The following FAH variants were observed in gnomAD, a reference collection of about 807,000 sequenced individuals.
FAH encodes fumarylacetoacetate hydrolase.
A neutral mutation model predicts 55.8 loss-of-function variants in FAH; 47 were observed. The observed-to-expected ratio is 0.84, with a 90% CI of 0.67 to 1.07. The LOEUF (loss-of-function observed/expected upper bound fraction) is 1.07, where lower values mean the gene tolerates loss of function less well. FAH is among the 50% of genes least tolerant of loss of function. FAH has a pLI of 0.00. For missense variants in FAH, 495 were observed against 545.9 expected, an observed-to-expected ratio of 0.91 and a Z score of 0.93; for synonymous variants, 199 against 207.7, an observed-to-expected ratio of 0.96 and a Z score of 0.36.
At chr15:80,184,490 CTT>C (rs528469727) in intron 13 of FAH, among the ~76,000 whole-genome samples, 46 of 152,160 alleles carry the variant, frequency 3.0e-4, no homozygotes, top group Middle Eastern at 3.4e-3. Flanking sequence ...GGGAGAGACT[CTT>C]TAAAAATGCT....
intron 5 of FAH, among the ~76,000 whole-genome samples, chr15:80,164,419 C>G (rs1164772475): frequency 6.6e-6 from 1 of 152,190 alleles, no homozygotes; most frequent in Non-Finnish European, 1.5e-5. Flanking sequence ...ATCCCTATCT[C>G]AAGATCCCTA....
rs775152764 is a variant in FAH at position 80,162,279 on chromosome 15, A to T, written c.398A>T (p.His133Leu). ...ACAGACTTCTATTCCTCTCGGCAGCATGCTACCAACGTCGGAATCATGTTC... is the reference window on the plus strand; with the variant it reads ...ACAGACTTCTATTCCTCTCGGCAGCTTGCTACCAACGTCGGAATCATGTTC... ...DYTDFYSSRQ[H>L]ATNVGIMFRD... is the part of the protein sequence containing the mutation. The change falls in exon 5 of 14, where the codon CAT becomes CTT. Residue 133 changes from histidine (H) to leucine (L), a missense_variant. Physicochemically the swap from His to Leu is moderately conservative, Grantham distance 99 (BLOSUM62 -3). Coordinates refer to ENST00000561421, the MANE Select transcript of FAH (RefSeq NM_000137.4). The T allele has an allele frequency of 4.3e-6, 7 of 1,614,130 alleles. No individual in the cohort carries two copies. In the African/African-American group the frequency reaches 9.3e-5, roughly 22 times the overall value.
At chr15:80,155,777 T>G (rs2041093385) in intron 1 of FAH, among the ~76,000 whole-genome samples, 1 of 152,132 alleles carries the variant, frequency 6.6e-6, no homozygotes. Flanking sequence ...GCAAGTCATG[T>G]GATCATGGGA....
At chr15:80,160,010 C>T (rs1366755446) in intron 3 of FAH, 133 bp downstream of exon 3, 4 of 1,221,458 alleles carry the variant, frequency 3.3e-6, no homozygotes, top group Non-Finnish European at 4.6e-6. Context: ...CCTCATCCAG[C>T]CCCTGCCTGA....
intron 7 of FAH, among the ~76,000 whole-genome samples, chr15:80,171,246 C>G (rs891757904): frequency 6.6e-6 from 1 of 151,672 alleles, no homozygotes; most frequent in Non-Finnish European, 1.5e-5. Context: ...CCTCCCTCTT[C>G]CCCCCACCCC....
At chr15:80,175,301 C>G (rs1347073869) in intron 10 of FAH, among the ~76,000 whole-genome samples, 2 of 151,990 alleles carry the variant, frequency 1.3e-5, no homozygotes, top group Non-Finnish European at 2.9e-5. Flanking sequence ...GGGCATTAAC[C>G]CTGTCACTGA....
chr15:80,166,689 T>C (rs1383519748), intron 5 of FAH, among the ~76,000 whole-genome samples: 2 of 144,154 alleles, frequency 1.4e-5, no homozygotes, highest in Non-Finnish European at 3.0e-5. Flanking sequence ...ATGGCTAGAG[T>C]GCAGTGGCAC....
At position 80,173,161 on chromosome 15, in the gene FAH, C is replaced by A. The variant is rs1337140782; in HGVS notation, c.837+17C>A. The A allele has an allele frequency of 6.2e-7, 1 of 1,614,074 alleles. No homozygotes were observed. Among genetic ancestry groups the A allele is most frequent in the East Asian group, 2.2e-5 (1 of 44,904 alleles). On this transcript the variant is annotated intron_variant, in intron 9 of 13. Transcript: ENST00000561421. The stretch of plus-strand genomic sequence containing the variant: ...CCGAAGCAGGTAAGCACATTCTCTG[C>A]AGGAAGCTCCCAAACCCAGCCCTGC...
chr15:80,170,882 A>C (rs2041234921), intron 7 of FAH, among the ~76,000 whole-genome samples: 1 of 152,094 alleles, frequency 6.6e-6, no homozygotes, highest in Non-Finnish European at 1.5e-5. Flanking sequence ...AGATTTTCCC[A>C]AATTTTTCTT....
chr15:80,181,212 G>A (rs1447016136), intron 13 of FAH, 53 bp downstream of exon 13: 2 of 1,306,626 alleles, frequency 1.5e-6, no homozygotes, highest in Non-Finnish European at 2.2e-6. Context: ...GCCATGCACT[G>A]TTCTAGCTGC....
chr15:80,173,058 C>G lies in FAH; in HGVS notation c.751C>G (p.Leu251Val). ...GGAGTATGTCCCTCTCGGGCCATTC[C>G]TTGGGAAGAGTTTTGGGACCACTGT... ...KWEYVPLGPF[L>V]GKSFGTTVSP... The change falls in exon 9 of 14, where the codon CTT (leucine) becomes GTT (valine). Residue 251 changes from leucine to valine, a missense_variant. Transcript: ENST00000561421. 6.2e-7 allele frequency: 1 copy of G among 1,614,238 alleles called. No individual in the cohort carries two copies. The highest frequency in any genetic ancestry group is 8.5e-7 in the Non-Finnish European group (1 of 1,180,038).
intron 5 of FAH, among the ~76,000 whole-genome samples, chr15:80,167,722 G>A (rs2041203504): frequency 6.6e-6 from 1 of 151,968 alleles, no homozygotes; most frequent in Admixed American, 6.6e-5. Flanking sequence ...AGTAAAGACG[G>A]GGTTTCACCA....
upstream of FAH, chr15:80,152,846 G>T (rs182356891): frequency 8.9e-6 from 5 of 558,918 alleles, no homozygotes; most frequent in Admixed American, 2.9e-5. Context: ...GTCAGGGTAG[G>T]GGGGAGGGGC....
chr15:80,163,985 A>C (rs1310913169), intron 5 of FAH, among the ~76,000 whole-genome samples: 1 of 152,268 alleles, frequency 6.6e-6, no homozygotes, highest in Non-Finnish European at 1.5e-5. Flanking sequence ...TGAAATAGGT[A>C]AACTATAGGC....
chr15:80,175,154 T>C, intron 10 of FAH, 63 bp downstream of exon 10: 1 of 1,430,514 alleles, frequency 7.0e-7, no homozygotes, highest in Non-Finnish European at 9.9e-7. Flanking sequence ...GTGTGCCTTG[T>C]CCTGAAGGCT....
chr15:80,170,541 G>C (rs892025493), intron 7 of FAH, among the ~76,000 whole-genome samples: 6 of 152,222 alleles, frequency 3.9e-5, no homozygotes, highest in African/African-American at 1.4e-4. Flanking sequence ...CCTTAGCAAG[G>C]GTACTATGTG....
At chr15:80,152,896 C>A, upstream of FAH, 1 of 624,814 alleles carries the variant, frequency 1.6e-6, no homozygotes, top group Non-Finnish European at 2.8e-6. Flanking sequence ...ACGGTGAGAC[C>A]AAAAGTCAGG....
intron 9 of FAH, chr15:80,173,655 C>CG: frequency 1.6e-5 from 4 of 254,654 alleles, no homozygotes; most frequent in East Asian, 9.9e-5. Flanking sequence ...TTGCAATCTG[C>CG]CCCACTCCAT....
chr15:80,163,023 C>A (rs938343715), intron 5 of FAH: 1 of 158,104 alleles, frequency 6.3e-6, no homozygotes, highest in African/African-American at 2.4e-5. Flanking sequence ...ACACTCCAGG[C>A]CCCAGTGCCA....
Sources: allele counts gnomAD v4.1 joint callset (sites outside exome capture counted in the v4.1 genomes callset), GRCh38; gene constraint gnomAD v4.1.1; transcripts MANE v1.5; gene names NCBI Gene and HGNC (gene_info 2026-07-23, HGNC 2026-07-21).